Variants in GOLGA3 observed in about 807,000 individuals in gnomAD.
GOLGA3 encodes the protein golgin subfamily A member 3.
GOLGA3 carries 75 observed loss-of-function variants against 169.4 expected under a neutral mutation model. The ratio of observed to expected loss-of-function variants is 0.44; its 90% CI spans 0.37 to 0.54. The LOEUF is 0.54. Ranked by LOEUF, GOLGA3 falls within the 20% of genes least tolerant of loss-of-function variation. The probability of loss-of-function intolerance (pLI) is 0.00; values close to 1 mark genes in which losing one functional copy is unlikely to be tolerated. For synonymous variants in GOLGA3, 824 were observed against 822.4 expected, an observed-to-expected ratio of 1.00 and a Z score of -0.03; for missense variants, 1,899 against 1,930.0, an observed-to-expected ratio of 0.98 and a Z score of 0.30.
chr12:132,813,789 A>G (rs1417827920), intron 3 of GOLGA3, among the ~76,000 whole-genome samples: 1 of 135,004 alleles, frequency 7.4e-6, no homozygotes, highest in East Asian at 2.3e-4. Flanking sequence ...CAGTGGCATG[A>G]TCTCGGCTCA....
intron 2 of GOLGA3, 50 bp downstream of exon 2, chr12:132,821,946 C>T (rs1313263340): frequency 1.6e-6 from 2 of 1,274,390 alleles, no homozygotes; most frequent in Non-Finnish European, 2.2e-6. Context: ...CGTCCTCCCT[C>T]AACACCAGGT....
At chr12:132,800,968 CCAAAAA>C (rs1179118120) in intron 8 of GOLGA3, among the ~76,000 whole-genome samples, 1 of 152,074 alleles carries the variant, frequency 6.6e-6, no homozygotes, top group Non-Finnish European at 1.5e-5. Flanking sequence ...CAAAAAAAAA[CCAAAAA>C]CAAAAAGACT....
intron 1 of GOLGA3, chr12:132,827,730 G>C (rs1441503699): frequency 6.6e-6 from 1 of 152,040 alleles, no homozygotes; most frequent in Non-Finnish European, 1.5e-5. Flanking sequence ...AGATATTAAA[G>C]GGTTATAAAG....
In GOLGA3 at chr12:132,770,092, G is replaced by C. The variant is rs1398254711; in HGVS notation, c.*3013C>G. On this transcript the variant is annotated 3_prime_UTR_variant, in exon 24 of 24. Coordinates refer to ENST00000450791, the MANE Select transcript of GOLGA3 (RefSeq NM_001389683.1). ...CTCTAAAAATACAAAAATTAGGCTG[G>C]TGTGGTGGCGGGCACCTGTAATCCC... The C allele has an allele frequency of 1.3e-5, 2 of 152,130 alleles. No individual in the cohort carries two copies. The highest frequency in any genetic ancestry group is 2.4e-5 in the African/African-American group (1 of 41,404). 9.4% of individuals were successfully genotyped at this position (152,130 alleles called of 1,614,324 possible).
chr12:132,802,009 C>G (rs765066594), intron 7 of GOLGA3, 40 bp from the exon 8 acceptor site: 2 of 1,541,088 alleles, frequency 1.3e-6, no homozygotes, highest in Non-Finnish European at 1.8e-6. Context: ...CCAGCGACGG[C>G]CAACGGGGGA....
At chr12:132,818,554 A>G (rs939443608) in intron 2 of GOLGA3, among the ~76,000 whole-genome samples, 1 of 152,242 alleles carries the variant, frequency 6.6e-6, no homozygotes. Flanking sequence ...GCACCCAGCC[A>G]ATGTTTCCTT....
Position 132,801,819 on chromosome 12 carries a change from G to A in GOLGA3, c.1748C>T (p.Ala583Val). 1 of 1,610,348 alleles carries A rather than the reference G, an allele frequency of 6.2e-7. No individual in the cohort carries two copies. Among genetic ancestry groups the A allele is most frequent in the African/African-American group, 1.3e-5 (1 of 75,064 alleles). The change falls in exon 8 of 24, where the codon GCC becomes GTC. Residue 583 changes from alanine (A) to valine (V), a missense_variant. Ala to Val is a moderately conservative substitution (Grantham distance 64). Coordinates refer to ENST00000450791, the MANE Select transcript of GOLGA3 (RefSeq NM_001389683.1). ...SVRQWYQQQL[A>V]LAQEARVRLQ... ...CCTGACGCGGGCCTCCTGTGCCAGG[G>A]CGAGCTGCTGCTGGTACCACTGCCG... is the stretch of plus-strand genomic sequence containing the variant.
rs201715887 is a variant in GOLGA3, at chr12:132,773,247, G to A, written c.4355C>T (p.Thr1452Met). ...CCACGAGGACAGAGACTCGTGCACC[G>A]TCAGGGCGTGCTCCTCCATCTGGCG... ...LQRQMEEHAL[T>M]VHESLSSWTP... Residue 1452 changes from threonine to methionine, a missense_variant, in exon 24 of 24, where the codon ACG becomes ATG. Physicochemically the swap from Thr to Met is moderately conservative, Grantham distance 81 (BLOSUM62 -1). Coordinates refer to ENST00000450791, the MANE Select transcript of GOLGA3 (RefSeq NM_001389683.1). 1.4e-5 allele frequency: 22 copies of A among 1,526,280 alleles called. No homozygotes were observed. Among genetic ancestry groups the A allele is most frequent in the African/African-American group, 5.6e-5 (4 of 71,390 alleles). The allele number at this position is 1,526,280 out of a possible 1,614,324, so 94.5% of individuals were successfully genotyped here.
intron 2 of GOLGA3, among the ~76,000 whole-genome samples, chr12:132,821,724 G>A (rs1194246651): frequency 6.7e-6 from 1 of 148,422 alleles, no homozygotes; most frequent in Non-Finnish European, 1.5e-5. Flanking sequence ...CGCGGTGGCG[G>A]GCGCCTGTAA....
chr12:132,795,845 G>A lies in GOLGA3; in HGVS notation c.2469+7C>T, dbSNP rs756590157. On this transcript the variant is annotated splice_region_variant and intron_variant, in intron 11 of 23. Transcript: ENST00000450791. ...GATTCAAAACAAAACACAGCAGAAT[G>A]CATTACCTGGCCGGATTTGATAGCT... The A allele has an allele frequency of 1.2e-6, 2 of 1,609,496 alleles. No individual in the cohort carries two copies. The highest frequency in any genetic ancestry group is 2.2e-5 in the South Asian group (2 of 90,954).
At chr12:132,797,865 G>A (rs1948931344) in intron 9 of GOLGA3, among the ~76,000 whole-genome samples, 1 of 152,246 alleles carries the variant, frequency 6.6e-6, no homozygotes, top group African/African-American at 2.4e-5. Flanking sequence ...TTGCTGGAGG[G>A]TTAAATGGCA....
chr12:132,775,265 G>A lies in GOLGA3; in HGVS notation c.4019C>T (p.Ser1340Phe). 1 of 1,613,738 alleles carries A rather than the reference G, an allele frequency of 6.2e-7. No homozygotes were observed. The highest frequency in any genetic ancestry group is 8.5e-7 in the Non-Finnish European group (1 of 1,179,798). The change falls in exon 22 of 24, where the codon TCC (serine) becomes TTC (phenylalanine). Residue 1340 changes from serine (S) to phenylalanine (F), a missense_variant. Physicochemically the swap from Ser to Phe is radical, Grantham distance 155 (BLOSUM62 -2). Transcript: ENST00000450791. ...CATAAATTTATCCTTCTGGGTCATG[G>A]ACAGGTCTTCCTGGGCCATCTCCAA... ...SELEMAQEDL[S>F]MTQKDKFMLQ...
intron 1 of GOLGA3, chr12:132,825,947 C>G (rs1358203780): frequency 5.3e-6 from 5 of 949,828 alleles, no homozygotes; most frequent in Non-Finnish European, 8.7e-6. Flanking sequence ...GATGAAGACG[C>G]AGAGGACCAC....
intron 2 of GOLGA3, among the ~76,000 whole-genome samples, chr12:132,818,693 G>A (rs1354995467): frequency 6.6e-6 from 1 of 152,212 alleles, no homozygotes; most frequent in Non-Finnish European, 1.5e-5. Flanking sequence ...GTTAATCAGA[G>A]TCACAGCCTC....
At position 132,822,279 on chromosome 12, in the gene GOLGA3, G is replaced by A. The variant is rs940111509; in HGVS notation, c.-151C>T. The A allele has an allele frequency of 7.2e-7, 1 of 1,388,236 alleles. No individual in the cohort carries two copies. Among genetic ancestry groups the A allele is most frequent in the African/African-American group, 1.5e-5 (1 of 65,500 alleles). The allele number at this position is 1,388,236 out of a possible 1,614,324, so 86.0% of individuals were successfully genotyped here. On this transcript the variant is annotated 5_prime_UTR_variant, in exon 2 of 24. Coordinates refer to ENST00000450791, the MANE Select transcript of GOLGA3 (RefSeq NM_001389683.1). ...GGAGAAGATCTGATGACTCACAAATGACTTGATGTCAAACCAGCTAATATC... is the reference window on the plus strand; with the variant it reads ...GGAGAAGATCTGATGACTCACAAATAACTTGATGTCAAACCAGCTAATATC...
At chr12:132,791,177 T>C (rs1385869947) in intron 12 of GOLGA3, 39 bp downstream of exon 12, 3 of 1,161,050 alleles carry the variant, frequency 2.6e-6, no homozygotes, top group East Asian at 2.4e-5. Flanking sequence ...TCTGTTCATA[T>C]GCTTGTTTCA....
Position 132,780,890 on chromosome 12 carries a change from C to T in GOLGA3, c.3490G>A (p.Glu1164Lys). 1 of 1,611,722 alleles carries T rather than the reference C, an allele frequency of 6.2e-7. No individual in the cohort carries two copies. The highest frequency in any genetic ancestry group is 8.5e-7 in the Non-Finnish European group (1 of 1,179,948). The change falls in exon 18 of 24, where the codon GAA becomes AAA. Residue 1164 changes from glutamate to lysine, a missense_variant. Transcript: ENST00000450791. Reference protein sequence around the residue: ...LQVQAVLQRKEEEDRQMKHLV... With the variant: ...LQVQAVLQRKKEEDRQMKHLV... ...TGCTTCATCTGGCGATCCTCCTCTT[C>T]TTTGCGCTGCAAAACTGCCTGCACC...
intron 21 of GOLGA3, among the ~76,000 whole-genome samples, chr12:132,776,019 AG>A (rs781270972): frequency 2.0e-5 from 3 of 152,256 alleles, no homozygotes; most frequent in Non-Finnish European, 4.4e-5. Flanking sequence ...GACGTGGACC[AG>A]GTGGCTTTGC....
At chr12:132,775,448 C>G (rs1464488198) in intron 21 of GOLGA3, 143 bp from the exon 22 acceptor site, 1 of 675,894 alleles carries the variant, frequency 1.5e-6, no homozygotes, top group Non-Finnish European at 2.4e-6. Context: ...CCAAAATGCT[C>G]AGGACCAGAA....
Sources: allele counts gnomAD v4.1 joint callset (sites outside exome capture counted in the v4.1 genomes callset), GRCh38; gene constraint gnomAD v4.1.1; transcripts MANE v1.5; gene names NCBI Gene and HGNC (gene_info 2026-07-23, HGNC 2026-07-21).